PVALEF: variants seen among roughly 807,000 people sequenced by gnomAD.
PVALEF encodes the protein parvalbumin-like EF-hand-containing protein.
Under a neutral mutation model 1.2 loss-of-function variants are expected in PVALEF, and 2 were observed. The observed-to-expected ratio is 1.68, with a 90% CI of 0.69 to 5.28. The LOEUF is 5.28. Ranked by LOEUF, PVALEF falls within the 30% of genes most tolerant of loss-of-function variation. PVALEF has a pLI of 0.06. For synonymous variants in PVALEF, 16 were observed against 6.5 expected, an observed-to-expected ratio of 2.47 and a Z score of -2.24; for missense variants, 35 against 17.7, an observed-to-expected ratio of 1.97 and a Z score of -1.75.
chr17:81,166,172 C>G (rs1297108749), intron 1 of PVALEF: 1 of 189,172 alleles, frequency 5.3e-6, no homozygotes, highest in Non-Finnish European at 9.3e-6. Context: ...CGGCGACAGA[C>G]GAGGCGCTCC....
chr17:81,172,543 C>T (rs924826762), intron 2 of PVALEF, among the ~76,000 whole-genome samples: 20 of 152,178 alleles, frequency 1.3e-4, no homozygotes, highest in Admixed American at 2.6e-4. Context: ...TTTGGGAGGC[C>T]GAGGCAGGAG....
At chr17:81,171,839 C>A (rs905298059) in intron 2 of PVALEF, among the ~76,000 whole-genome samples, 1 of 152,240 alleles carries the variant, frequency 6.6e-6, no homozygotes, top group Admixed American at 6.5e-5. Flanking sequence ...TAAAATGAAT[C>A]GGCTTGAAGT....
In PVALEF at chr17:81,176,651, C is replaced by T. The variant is rs146993849; in HGVS notation, c.-339-2267C>T. On this transcript the variant is annotated intron_variant, in intron 2 of 6. Coordinates refer to ENST00000637878, the MANE Select transcript of PVALEF (RefSeq NM_001354639.2). ...GGACGTGGGGCTATCGGCCCCTGTG[C>T]GCTGTTGGTGGGAATGGAAAACAGT... is the stretch of plus-strand genomic sequence containing the variant. 9.9e-5 allele frequency among the ~76,000 whole-genome samples: 15 copies of T among 151,430 alleles called. No homozygotes were observed. In the East Asian group the frequency reaches 2.1e-3, roughly 22 times the overall value.
intron 2 of PVALEF, among the ~76,000 whole-genome samples, chr17:81,177,576 C>T (rs1362413477): frequency 6.6e-6 from 1 of 151,160 alleles, no homozygotes; most frequent in Admixed American, 6.6e-5. Context: ...AAAAAAAAGG[C>T]AAAGATGGTA....
At chr17:81,176,695 C>G (rs2061536761) in intron 2 of PVALEF, among the ~76,000 whole-genome samples, 1 of 152,036 alleles carries the variant, frequency 6.6e-6, no homozygotes, top group Non-Finnish European at 1.5e-5. Flanking sequence ...CGTGGAAACT[C>G]TACGGCAGCT....
chr17:81,172,790 T>C (rs2061525033), intron 2 of PVALEF, among the ~76,000 whole-genome samples: 1 of 151,802 alleles, frequency 6.6e-6, no homozygotes, highest in Non-Finnish European at 1.5e-5. Context: ...AAACAAAAAG[T>C]TGCTGGACCG....
At chr17:81,175,226 A>G (rs970125065) in intron 2 of PVALEF, among the ~76,000 whole-genome samples, 6 of 152,252 alleles carry the variant, frequency 3.9e-5, no homozygotes, top group African/African-American at 1.4e-4. Context: ...CAAGGAGGTG[A>G]AAGACTTGCA....
rs529977814 is a variant in PVALEF, at chr17:81,175,650, G to A, written c.-339-3268G>A. On this transcript the variant is annotated intron_variant, in intron 2 of 6. Coordinates refer to ENST00000637878, the MANE Select transcript of PVALEF (RefSeq NM_001354639.2). ...AAACCTTCACATAATATGGTCAAAC[G>A]ATTGTTGACAAGGGTGCCAAGACCA... is the stretch of plus-strand genomic sequence containing the variant. Among the ~76,000 whole-genome samples the A allele has an allele frequency of 5.9e-5, 9 of 152,262 alleles. No homozygotes were observed. In the South Asian group the frequency reaches 1.4e-3, roughly 25 times the overall value.
At chr17:81,169,976 ATGTGTGTGCATG>A (rs1455582545) in intron 2 of PVALEF, among the ~76,000 whole-genome samples, 2 of 134,280 alleles carry the variant, frequency 1.5e-5, no homozygotes, top group African/African-American at 2.8e-5. Flanking sequence ...GTATGTGTAC[ATGTGTGTGCATG>A]TGTGTGTGTT....
chr17:81,165,831 G>A, intron 1 of PVALEF, 84 bp downstream of exon 1: 2 of 1,513,824 alleles, frequency 1.3e-6, no homozygotes, highest in South Asian at 1.2e-5. Flanking sequence ...GGCTCGGGGC[G>A]GGGAAAGGGT....
chr17:81,168,509 TG>T (rs1372861453), intron 2 of PVALEF, among the ~76,000 whole-genome samples: 3 of 152,158 alleles, frequency 2.0e-5, no homozygotes, highest in African/African-American at 4.8e-5. Context: ...GTGACCCTAG[TG>T]GGGCCCCCCA....
At chr17:81,169,928 G>A (rs2146443064) in intron 2 of PVALEF, among the ~76,000 whole-genome samples, 1 of 149,032 alleles carries the variant, frequency 6.7e-6, no homozygotes, top group Middle Eastern at 3.4e-3. Context: ...GTGTGTGCAT[G>A]TGTGTCTGCA....
chr17:81,181,717 G>A (rs1040506396), intron 5 of PVALEF, 23 bp downstream of exon 5: 2 of 399,982 alleles, frequency 5.0e-6, no homozygotes, highest in Non-Finnish European at 4.4e-6. Flanking sequence ...GGCCACGGAG[G>A]GGTGGGGCCC....
chr17:81,180,965 C>T (rs574569199), intron 3 of PVALEF, among the ~76,000 whole-genome samples, 158 bp from the exon 4 acceptor site: 6 of 152,166 alleles, frequency 3.9e-5, no homozygotes, highest in Non-Finnish European at 7.4e-5. Context: ...CAGCAGGTCA[C>T]AAGGCGCTGC....
At chr17:81,176,696 T>C (rs2061536774) in intron 2 of PVALEF, among the ~76,000 whole-genome samples, 1 of 152,006 alleles carries the variant, frequency 6.6e-6, no homozygotes, top group Non-Finnish European at 1.5e-5. Flanking sequence ...GTGGAAACTC[T>C]ACGGCAGCTC....
At chr17:81,165,916 G>T (rs769968058) in intron 1 of PVALEF, 169 bp downstream of exon 1, 72 of 1,569,786 alleles carry the variant, frequency 4.6e-5, no homozygotes, top group South Asian at 3.2e-4. Flanking sequence ...GCGGCGCGCA[G>T]GCCGGGCCGC....
At position 81,181,347 on chromosome 17, in the gene PVALEF, C is replaced by G. The variant is rs950261179; in HGVS notation, c.106+15C>G. 7.9e-6 allele frequency: 5 copies of G among 636,272 alleles called. No individual in the cohort carries two copies. The highest frequency in any genetic ancestry group is 7.0e-5 in the Admixed American group (3 of 42,870). The allele number at this position is 636,272 out of a possible 1,614,324, so 39.4% of individuals were successfully genotyped here. ...GAGACACCACGGTACAGCATGCCCC[C>G]GCCCGGCGCGGCCCCCCGCCCGTCC... On this transcript the variant is annotated intron_variant, in intron 4 of 6. Transcript: ENST00000637878.
chr17:81,182,136 C>T, intron 6 of PVALEF, 55 bp downstream of exon 6: 1 of 398,530 alleles, frequency 2.5e-6, no homozygotes, highest in Non-Finnish European at 4.4e-6. Context: ...TGCTAGGCCG[C>T]CACCCTTGCC....
At chr17:81,171,820 CACATA>C (rs1404373681) in intron 2 of PVALEF, among the ~76,000 whole-genome samples, 1 of 152,122 alleles carries the variant, frequency 6.6e-6, no homozygotes, top group Non-Finnish European at 1.5e-5. Context: ...TGAAAAAATT[CACATA>C]ACATAAAATG....
Sources: allele counts gnomAD v4.1 joint callset (sites outside exome capture counted in the v4.1 genomes callset), GRCh38; gene constraint gnomAD v4.1.1; transcripts MANE v1.5; gene names NCBI Gene and HGNC (gene_info 2026-07-23, HGNC 2026-07-21).